KRT18: variants seen among roughly 807,000 people sequenced by gnomAD.
The protein encoded by KRT18 is keratin, type I cytoskeletal 18.
KRT18 carries 8 observed loss-of-function variants against 39.9 expected under a neutral mutation model. The ratio of observed to expected loss-of-function variants is 0.20; its 90% CI spans 0.12 to 0.36. The LOEUF (loss-of-function observed/expected upper bound fraction) is 0.36, where lower values mean the gene tolerates loss of function less well. Ranked by LOEUF, KRT18 falls within the 10% of genes least tolerant of loss-of-function variation. The pLI is 1.00. For synonymous variants in KRT18, 194 were observed against 227.8 expected (o/e 0.85, Z 1.33); for missense variants, 396 against 565.7 (o/e 0.70, Z 3.04).
At position 52,950,429 on chromosome 12, in the gene KRT18, G is replaced by A. The variant is rs755181200; in HGVS notation, c.500+19G>A. The A allele has an allele frequency of 1.3e-6, 2 of 1,569,246 alleles. No homozygotes were observed. The highest frequency in any genetic ancestry group is 2.2e-5 in the East Asian group (1 of 44,642). On this transcript the variant is annotated intron_variant, in intron 2 of 6. Coordinates refer to ENST00000388835, the MANE Select transcript of KRT18 (RefSeq NM_000224.3). ...GAGTCAAGTAAGTTTGGGGGCTAGA[G>A]AGCTGGGGGTCCAGGGGTGGAGCTA... is the stretch of plus-strand genomic sequence containing the variant.
At chr12:52,950,279 A>G (rs960601768) in intron 1 of KRT18, 49 bp from the exon 2 acceptor site, 1 of 1,349,120 alleles carries the variant, frequency 7.4e-7, no homozygotes, top group African/African-American at 1.4e-5. Flanking sequence ...CACCCCACCC[A>G]TCCCTGGCTT....
Position 52,950,797 on chromosome 12 carries a change from A to C in KRT18, c.548A>C (p.His183Pro). 1 of 1,611,180 alleles carries C rather than the reference A, an allele frequency of 6.2e-7. No homozygotes were observed. Among genetic ancestry groups the C allele is most frequent in the Non-Finnish European group, 8.5e-7 (1 of 1,179,542 alleles). ...CGCCAGTCTGTGGAGAACGACATCC[A>C]TGGGCTCCGCAAGGTCATTGATGAC... ...AMRQSVENDI[H>P]GLRKVIDDTN... is the part of the protein sequence containing the mutation. Residue 183 changes from histidine to proline, a missense_variant, in exon 3 of 7, where the codon CAT (histidine) becomes CCT (proline). His to Pro is a moderately conservative substitution (Grantham distance 77). Coordinates refer to ENST00000388835, the MANE Select transcript of KRT18 (RefSeq NM_000224.3).
Position 52,950,900 on chromosome 12 carries a change from C to T in KRT18, c.651C>T (p.His217=), listed in dbSNP as rs372594060. Residue 217 remains histidine (H), a synonymous_variant, in exon 3 of 7, where the codon CAC becomes CAT. Transcript: ENST00000388835. The part of the protein sequence containing the change: ...KEELLFMKKN[H]EEEVKGLQAQ... The stretch of plus-strand genomic sequence containing the variant: ...AGCTGCTCTTCATGAAGAAGAACCA[C>T]GAAGAGGCAAGCAGGGGCCACTGGC... 3.7e-5 allele frequency: 59 copies of T among 1,576,992 alleles called. No individual in the cohort carries two copies. The African/African-American group carries it at 5.0e-4, about 13-fold the overall frequency.
intron 1 of KRT18, 27 bp downstream of exon 1, chr12:52,949,617 C>T: frequency 3.8e-6 from 6 of 1,594,330 alleles, no homozygotes; most frequent in Non-Finnish European, 5.2e-6. Flanking sequence ...ACCTCAACTC[C>T]CAGCCTTGTC....
In KRT18 at chr12:52,949,353, C is replaced by T. The variant is rs186267053; in HGVS notation, c.180C>T (p.Ser60=). 7.6e-5 allele frequency: 122 copies of T among 1,610,746 alleles called. 1 individual carries two copies. In the Middle Eastern group the frequency reaches 8.4e-4, roughly 11 times the overall value. Residue 60 remains serine (S), a synonymous_variant, in exon 1 of 7, where the codon TCC becomes TCT. Transcript: ENST00000388835. ...RSTSFRGGMG[S]GGLATGIAGG... Reference sequence around the variant, plus strand: ...CCAGCTTCAGGGGCGGCATGGGGTCCGGGGGCCTGGCCACCGGGATAGCCG... The same window carrying T: ...CCAGCTTCAGGGGCGGCATGGGGTCTGGGGGCCTGGCCACCGGGATAGCCG...
chr12:52,952,019 T>G lies in KRT18; in HGVS notation c.949-100T>G, dbSNP rs894812675. 4.6e-6 allele frequency: 6 copies of G among 1,296,360 alleles called. No individual in the cohort carries two copies. In the African/African-American group the frequency reaches 8.8e-5, roughly 19 times the overall value. 80.3% of individuals were successfully genotyped at this position (1,296,360 alleles called of 1,614,324 possible). A position where few individuals can be genotyped will look rare whatever the true frequency, so the allele number is the denominator to read the frequency against. ...CCACTCCTATCCCTTATCCCAGTAC[T>G]TGGCACATAGCAGGTGCCCAAAAAA... On this transcript the variant is annotated intron_variant, in intron 5 of 6. Transcript: ENST00000388835.
chr12:52,952,583 G>A (rs1942510295), intron 6 of KRT18, 139 bp from the exon 7 acceptor site: 3 of 1,033,104 alleles, frequency 2.9e-6, no homozygotes, highest in Admixed American at 3.5e-5. Flanking sequence ...TTGGCCTTGA[G>A]TTTCCCTTTT....
rs1942466425 is a variant in KRT18, at chr12:52,950,625, C to T, written c.501-125C>T. The stretch of plus-strand genomic sequence containing the variant: ...GCCAAGAATGGTGCTCAGGGGATTA[C>T]CACCTAATTGCTGACTCAAGTTGCT... On this transcript the variant is annotated intron_variant, in intron 2 of 6. Transcript: ENST00000388835. 4.1e-6 allele frequency: 4 copies of T among 986,768 alleles called. No individual in the cohort carries two copies. The African/African-American group carries it at 4.8e-5, about 12-fold the overall frequency. 61.1% of individuals were successfully genotyped at this position (986,768 alleles called of 1,614,324 possible). A position where few individuals can be genotyped will look rare whatever the true frequency, so the allele number is the denominator to read the frequency against.
intron 2 of KRT18, 140 bp downstream of exon 2, chr12:52,950,550 A>C: frequency 1.2e-6 from 1 of 830,690 alleles, no homozygotes; most frequent in South Asian, 1.4e-5. Context: ...CAGTGTATTC[A>C]TTTAACTGTT....
Position 52,949,204 on chromosome 12 carries a change from A to G in KRT18, c.31A>G (p.Thr11Ala), listed in dbSNP as rs748718547. The G allele has an allele frequency of 1.9e-6, 3 of 1,611,744 alleles. No individual in the cohort carries two copies. Among genetic ancestry groups the G allele is most frequent in the East Asian group, 2.2e-5 (1 of 44,874 alleles). Reference protein sequence around the residue: MSFTTRSTFSTNYRSLGSVQA... With the variant: MSFTTRSTFSANYRSLGSVQA... Reference sequence around the variant, plus strand: ...CTTCACCACTCGCTCCACCTTCTCCACCAACTACCGGTCCCTGGGCTCTGT... The same window carrying G: ...CTTCACCACTCGCTCCACCTTCTCCGCCAACTACCGGTCCCTGGGCTCTGT... Residue 11 changes from threonine (T) to alanine (A), a missense_variant, in exon 1 of 7, where the codon ACC becomes GCC. Coordinates refer to ENST00000388835, the MANE Select transcript of KRT18 (RefSeq NM_000224.3).
At chr12:52,951,351 A>G (rs1942484571) in intron 3 of KRT18, 130 bp from the exon 4 acceptor site, 4 of 922,762 alleles carry the variant, frequency 4.3e-6, no homozygotes, top group Non-Finnish European at 7.2e-6. Context: ...CATTGCCCTG[A>G]GTGCAAGCCA....
chr12:52,948,901 C>G (rs1160239778), upstream of KRT18: 4 of 434,266 alleles, frequency 9.2e-6, no homozygotes, highest in Non-Finnish European at 1.6e-5. Flanking sequence ...CACCTGCTGT[C>G]CGTGTCCATG....
At position 52,951,537 on chromosome 12, in the gene KRT18, T is replaced by C. The variant is rs779909524; in HGVS notation, c.714T>C (p.Asp238=). Residue 238 remains aspartate, a synonymous_variant, in exon 4 of 7, where the codon GAT becomes GAC. Transcript: ENST00000388835. ...IASSGLTVEV[D]APKSQDLAKI... ...GCTCTGGGTTGACCGTGGAGGTAGA[T>C]GCCCCCAAATCTCAGGACCTCGCCA... 16 of 1,614,080 alleles carry C rather than the reference T, an allele frequency of 9.9e-6. No individual in the cohort carries two copies. Among genetic ancestry groups the C allele is most frequent in the Non-Finnish European group, 1.3e-5 (15 of 1,179,982 alleles).
In KRT18 at chr12:52,949,530, G is replaced by A; in HGVS notation, c.357G>A (p.Lys119=). The part of the protein sequence containing the change: ...ESKIREHLEK[K]GPQVRDWSHY... ...AAATCCGGGAGCACTTGGAGAAGAA[G>A]GGACCCCAGGTCAGAGACTGGAGCC... Residue 119 remains lysine (K), a synonymous_variant, in exon 1 of 7, where the codon AAG becomes AAA. Coordinates refer to ENST00000388835, the MANE Select transcript of KRT18 (RefSeq NM_000224.3). The A allele has an allele frequency of 6.2e-7, 1 of 1,613,748 alleles. No individual in the cohort carries two copies. The highest frequency in any genetic ancestry group is 8.5e-7 in the Non-Finnish European group (1 of 1,180,040).
rs1292425055 is a variant in KRT18, at chr12:52,952,253, G to A, written c.1083G>A (p.Gln361=). 6.2e-7 allele frequency: 1 copy of A among 1,606,486 alleles called. No homozygotes were observed. The highest frequency in any genetic ancestry group is 1.7e-5 in the Admixed American group (1 of 58,546). ...QTRAEGQRQA[Q]EYEALLNIKV... is the part of the protein sequence containing the mutation. ...GGGCAGAGGGACAGCGCCAGGCCCA[G>A]GAGTATGAGGCCCTGCTGAACATCA... The change falls in exon 6 of 7, where the codon CAG becomes CAA. Residue 361 remains glutamine, a synonymous_variant. Transcript: ENST00000388835.
At chr12:52,952,577 C>A in intron 6 of KRT18, 145 bp from the exon 7 acceptor site, 1 of 967,020 alleles carries the variant, frequency 1.0e-6, no homozygotes, top group Non-Finnish European at 1.7e-6. Context: ...TGAAGTTTGG[C>A]CTTGAGTTTC....
rs1565739734 is a variant in KRT18, at chr12:52,952,822, A to G, written c.1273A>G (p.Thr425Ala). 4 of 1,610,514 alleles carry G rather than the reference A, an allele frequency of 2.5e-6. No homozygotes were observed. Among genetic ancestry groups the G allele is most frequent in the Non-Finnish European group, 2.5e-6 (3 of 1,179,934 alleles). Residue 425 changes from threonine to alanine, a missense_variant, in exon 7 of 7, where the codon ACC becomes GCC. Coordinates refer to ENST00000388835, the MANE Select transcript of KRT18 (RefSeq NM_000224.3). ...DGKVVSETND[T>A]KVLRH ...CAAAGTGGTGTCTGAGACCAATGACACCAAAGTTCTGAGGCATTAAGCCAG... is the reference window on the plus strand; with the variant it reads ...CAAAGTGGTGTCTGAGACCAATGACGCCAAAGTTCTGAGGCATTAAGCCAG...
intron 3 of KRT18, among the ~76,000 whole-genome samples, chr12:52,951,246 G>C (rs1942482359): frequency 6.6e-6 from 1 of 152,190 alleles, no homozygotes; most frequent in South Asian, 2.1e-4. Context: ...GGTTTGTGAA[G>C]GGGAGGGTGG....
Position 52,949,282 on chromosome 12 carries a change from G to A in KRT18, c.109G>A (p.Ala37Thr), listed in dbSNP as rs1281260117. The A allele has an allele frequency of 6.2e-7, 1 of 1,610,636 alleles. No individual in the cohort carries two copies. Among genetic ancestry groups the A allele is most frequent in the Non-Finnish European group, 8.5e-7 (1 of 1,179,722 alleles). The change falls in exon 1 of 7, where the codon GCA (alanine) becomes ACA (threonine). Residue 37 changes from alanine to threonine, a missense_variant. Physicochemically the swap from Ala to Thr is moderately conservative, Grantham distance 58 (BLOSUM62 0). Coordinates refer to ENST00000388835, the MANE Select transcript of KRT18 (RefSeq NM_000224.3). ...GGTCAGCAGCGCGGCCAGCGTCTAT[G>A]CAGGCGCTGGGGGCTCTGGTTCCCG... The part of the protein sequence containing the change: ...RPVSSAASVY[A>T]GAGGSGSRIS...
Sources: allele counts gnomAD v4.1 joint callset (sites outside exome capture counted in the v4.1 genomes callset), GRCh38; gene constraint gnomAD v4.1.1; transcripts MANE v1.5; gene names NCBI Gene and HGNC (gene_info 2026-07-23, HGNC 2026-07-21).